PRKCA: variants seen among roughly 807,000 people sequenced by gnomAD.
PRKCA encodes the protein protein kinase C alpha.
PRKCA carries 27 observed loss-of-function variants against 87.0 expected under a neutral mutation model. The observed-to-expected ratio is 0.31, with a 90% CI of 0.23 to 0.43. The LOEUF (loss-of-function observed/expected upper bound fraction) is 0.43. Ranked by LOEUF, PRKCA falls within the 20% of genes least tolerant of loss-of-function variation. The pLI, the probability that PRKCA is intolerant of heterozygous loss-of-function variation, is 1.00. For missense variants in PRKCA, 518 were observed against 852.3 expected (o/e 0.61, Z 4.88); for synonymous variants, 329 against 311.1 (o/e 1.06, Z -0.61).
At chr17:66,476,620 T>G (rs1197222177) in intron 2 of PRKCA, among the ~76,000 whole-genome samples, 3 of 152,204 alleles carry the variant, frequency 2.0e-5, no homozygotes. Flanking sequence ...TGTTTTCTCT[T>G]TATAGTAAAT....
intron 2 of PRKCA, among the ~76,000 whole-genome samples, chr17:66,424,276 A>T (rs1198662477): frequency 6.6e-6 from 1 of 152,118 alleles, no homozygotes; most frequent in Admixed American, 6.5e-5. Flanking sequence ...CACATATTTT[A>T]AAAAATATTA....
intron 8 of PRKCA, among the ~76,000 whole-genome samples, chr17:66,712,586 T>G (rs1973359779): frequency 6.6e-6 from 1 of 152,148 alleles, no homozygotes; most frequent in Non-Finnish European, 1.5e-5. Context: ...CTAGCTCTAA[T>G]GAAGGGCTGT....
intron 5 of PRKCA, among the ~76,000 whole-genome samples, chr17:66,672,532 ATTC>A (rs749207925): frequency 1.3e-5 from 2 of 152,220 alleles, no homozygotes; most frequent in Non-Finnish European, 2.9e-5. Context: ...ATGTATTCTT[ATTC>A]TTCTTTGCAT....
At position 66,754,429 on chromosome 17, in the gene PRKCA, C is replaced by G. The variant is rs116561221; in HGVS notation, c.1524+11669C>G. 3.5e-3 allele frequency among the ~76,000 whole-genome samples: 531 copies of G among 152,236 alleles called. 6 individuals carry two copies. Among genetic ancestry groups the G allele is most frequent in the African/African-American group, 0.012 (512 of 41,542 alleles). On this transcript the variant is annotated intron_variant, in intron 13 of 16. Transcript: ENST00000413366. ...ATCCTGGCCCCATCTGCCACCTCCC[C>G]ACTGTGCGTGTGACTCTGGTCACCT... is the stretch of plus-strand genomic sequence containing the variant.
chr17:66,508,407 G>A (rs1567865260), intron 3 of PRKCA, among the ~76,000 whole-genome samples: 3 of 152,224 alleles, frequency 2.0e-5, no homozygotes, highest in Admixed American at 2.0e-4. Context: ...TTCTGACTGG[G>A]TGAAGGTTTC....
intron 2 of PRKCA, among the ~76,000 whole-genome samples, chr17:66,437,409 A>G (rs938340799): frequency 3.9e-5 from 6 of 152,248 alleles, no homozygotes; most frequent in Non-Finnish European, 7.3e-5. Context: ...TTTTCAAATG[A>G]TAAGTTTCTT....
At chr17:66,544,925 G>A (rs993340029) in intron 3 of PRKCA, among the ~76,000 whole-genome samples, 1 of 152,168 alleles carries the variant, frequency 6.6e-6, no homozygotes, top group South Asian at 2.1e-4. Context: ...AAATTATTAC[G>A]ATTTCCTTAG....
At chr17:66,799,992 A>G (rs747312331) in intron 16 of PRKCA, among the ~76,000 whole-genome samples, 12 of 152,042 alleles carry the variant, frequency 7.9e-5, no homozygotes, top group Non-Finnish European at 1.3e-4. Flanking sequence ...CTCGTAGCTG[A>G]TCTAACCCTC....
At chr17:66,729,723 A>C (rs1973838373) in intron 8 of PRKCA, among the ~76,000 whole-genome samples, 1 of 150,774 alleles carries the variant, frequency 6.6e-6, no homozygotes, top group South Asian at 2.1e-4. Flanking sequence ...GGGGCACTCA[A>C]CTCATCAGAG....
intron 2 of PRKCA, among the ~76,000 whole-genome samples, chr17:66,492,014 A>G (rs1005127237): frequency 6.6e-6 from 1 of 152,144 alleles, no homozygotes; most frequent in African/African-American, 2.4e-5. Flanking sequence ...CTCCTTAGTC[A>G]CCCAGGATTG....
rs113385632 is a variant in PRKCA at position 66,465,562 on chromosome 17, AT to A, written c.206-30624del. Among the ~76,000 whole-genome samples the A allele has an allele frequency of 6.3e-3, 910 of 143,750 alleles. 1 individual carries two copies. Among genetic ancestry groups the A allele is most frequent in the Non-Finnish European group, 8.2e-3 (536 of 65,266 alleles). 94.3% of individuals were successfully genotyped at this position (143,750 alleles called of 152,430 possible). Reference sequence around the variant, plus strand: ...ATGTGCCACCATGCCTGGCTAGTTAATTTTTTTTTTTTTTTAAGTAGAGATG... The same window carrying A: ...ATGTGCCACCATGCCTGGCTAGTTAATTTTTTTTTTTTTTAAGTAGAGATG... On this transcript the variant is annotated intron_variant, in intron 2 of 16. Coordinates refer to ENST00000413366, the MANE Select transcript of PRKCA (RefSeq NM_002737.3).
At chr17:66,577,674 A>G (rs1293228446) in intron 3 of PRKCA, among the ~76,000 whole-genome samples, 1 of 152,140 alleles carries the variant, frequency 6.6e-6, no homozygotes, top group Non-Finnish European at 1.5e-5. Context: ...GAAGTGAACT[A>G]TATCTTTTTA....
Position 66,314,864 on chromosome 17 carries a change from GAT to G in PRKCA, c.205+8748_205+8749del, listed in dbSNP as rs1229988553. Among the ~76,000 whole-genome samples, 841 of 119,662 alleles carry G rather than the reference GAT, an allele frequency of 7.0e-3. 10 individuals carry two copies. Among genetic ancestry groups the G allele is most frequent in the African/African-American group, 0.023 (811 of 34,830 alleles). The allele number at this position is 119,662 out of a possible 152,430, so 78.5% of individuals were successfully genotyped here. On this transcript the variant is annotated intron_variant, in intron 2 of 16. Coordinates refer to ENST00000413366, the MANE Select transcript of PRKCA (RefSeq NM_002737.3). ...ATTTCTTTCTCTCTCTCTCTCTCTA[GAT>G]ATATATATATGTGTGTGTGTGTGTG...
At chr17:66,462,925 AACACACACACACACACACAC>A (rs58085398) in intron 2 of PRKCA, among the ~76,000 whole-genome samples, 42 of 147,606 alleles carry the variant, frequency 2.8e-4, no homozygotes, top group Admixed American at 7.4e-4. Context: ...CACACATGCA[AACACACACACACACACACAC>A]ACACACACAC....
At chr17:66,777,769 A>T (rs1037374763) in intron 14 of PRKCA, 4 of 985,260 alleles carry the variant, frequency 4.1e-6, no homozygotes, top group African/African-American at 3.5e-5. Context: ...GCGGAAACGA[A>T]GCCAGGATCT....
chr17:66,775,902 G>A (rs1456978094), intron 14 of PRKCA: 1 of 350,660 alleles, frequency 2.9e-6, no homozygotes, highest in Non-Finnish European at 4.0e-6. Flanking sequence ...CACAGCAGAG[G>A]TAAGCTAGGA....
chr17:66,797,198 C>A lies in PRKCA; in HGVS notation c.1855-6675C>A, dbSNP rs114851402. 8.1e-3 allele frequency among the ~76,000 whole-genome samples: 1,228 copies of A among 152,280 alleles called. 13 individuals are homozygous for A. Among genetic ancestry groups the A allele is most frequent in the African/African-American group, 0.028 (1,174 of 41,544 alleles). On this transcript the variant is annotated intron_variant, in intron 16 of 16. Transcript: ENST00000413366. ...TCCTGCATTGCATCTCAGTCTCCCCCACACCCTATCACAGAATGAAAGGGG... is the reference window on the plus strand; with the variant it reads ...TCCTGCATTGCATCTCAGTCTCCCCAACACCCTATCACAGAATGAAAGGGG...
chr17:66,750,953 A>G (rs1974414168), intron 13 of PRKCA, among the ~76,000 whole-genome samples: 1 of 152,176 alleles, frequency 6.6e-6, no homozygotes, highest in African/African-American at 2.4e-5. Context: ...ATGTCACTCC[A>G]CATGTGCCAG....
intron 2 of PRKCA, among the ~76,000 whole-genome samples, chr17:66,418,730 C>G (rs1047973711): frequency 6.6e-6 from 1 of 151,758 alleles, no homozygotes; most frequent in Non-Finnish European, 1.5e-5. Flanking sequence ...GCCACTGCTC[C>G]CAGCCGGTTT....
Sources: allele counts gnomAD v4.1 joint callset (sites outside exome capture counted in the v4.1 genomes callset), GRCh38; gene constraint gnomAD v4.1.1; transcripts MANE v1.5; gene names NCBI Gene and HGNC (gene_info 2026-07-23, HGNC 2026-07-21).